The following ASPH variants were observed in gnomAD, a reference collection of about 807,000 sequenced individuals.
ASPH encodes the protein aspartate beta-hydroxylase.
ASPH carries 100 observed loss-of-function variants against 118.4 expected under a neutral mutation model. The ratio of observed to expected loss-of-function variants is 0.84; its 90% CI spans 0.72 to 1.00. The LOEUF is 1.00. Ranked by LOEUF, ASPH falls within the 50% of genes least tolerant of loss-of-function variation. The pLI, the probability that ASPH is intolerant of heterozygous loss-of-function variation, is 0.00. For missense variants in ASPH, 920 were observed against 919.5 expected, an observed-to-expected ratio of 1.00 and a Z score of -0.01; for synonymous variants, 315 against 325.6, an observed-to-expected ratio of 0.97 and a Z score of 0.35.
intron 12 of ASPH, 71 bp from the exon 13 acceptor site, chr8:61,633,798 T>C: frequency 9.5e-7 from 1 of 1,050,276 alleles, no homozygotes; most frequent in Admixed American, 2.5e-5. Context: ...GTTGCCAGAT[T>C]TAAGTAATGA....
chr8:61,600,595 G>A (rs1435073920), intron 14 of ASPH, among the ~76,000 whole-genome samples: 1 of 151,044 alleles, frequency 6.6e-6, no homozygotes, highest in Non-Finnish European at 1.5e-5. Context: ...CAAACAAGCT[G>A]AAAAGAAATC....
chr8:61,607,752 C>T (rs990453444), intron 14 of ASPH, among the ~76,000 whole-genome samples: 6 of 152,074 alleles, frequency 3.9e-5, no homozygotes, highest in East Asian at 1.9e-4. Flanking sequence ...AGTGAACAAA[C>T]GAAGTGGAAT....
chr8:61,624,587 C>T (rs1355818493), intron 13 of ASPH: 2 of 983,852 alleles, frequency 2.0e-6, no homozygotes, highest in African/African-American at 3.5e-5. Flanking sequence ...AAGACATTTA[C>T]ATTATTTTTA....
At chr8:61,590,685 C>G (rs536824307) in intron 14 of ASPH, among the ~76,000 whole-genome samples, 1 of 152,110 alleles carries the variant, frequency 6.6e-6, no homozygotes, top group African/African-American at 2.4e-5. Flanking sequence ...CTTGAACCAG[C>G]TTTTGCCTTT....
In ASPH at chr8:61,502,162, T is replaced by C. The variant is rs1805051321; in HGVS notation, c.*1197A>G. Reference sequence around the variant, plus strand: ...GGGTAATGTTAAAACTAAATACAGATGATAATAATTGCTATTTCACAGTGA... The same window carrying C: ...GGGTAATGTTAAAACTAAATACAGACGATAATAATTGCTATTTCACAGTGA... On this transcript the variant is annotated 3_prime_UTR_variant, in exon 25 of 25. Coordinates refer to ENST00000379454, the MANE Select transcript of ASPH (RefSeq NM_004318.4). 6.6e-6 allele frequency: 1 copy of C among 152,224 alleles called. No individual in the cohort carries two copies. Among genetic ancestry groups the C allele is most frequent in the South Asian group, 2.1e-4 (1 of 4,832 alleles). 9.4% of individuals were successfully genotyped at this position (152,224 alleles called of 1,614,324 possible).
chr8:61,664,699 T>A (rs1014503113), intron 3 of ASPH: 17 of 984,848 alleles, frequency 1.7e-5, no homozygotes, highest in Non-Finnish European at 1.9e-5. Context: ...GGAGAACCCA[T>A]GAAAAGCCTG....
At position 61,665,575 on chromosome 8, in the gene ASPH, C is replaced by A. The variant is rs368831592; in HGVS notation, c.323-11915G>T. On this transcript the variant is annotated intron_variant, in intron 3 of 24. Coordinates refer to ENST00000379454, the MANE Select transcript of ASPH (RefSeq NM_004318.4). ...TCCTTGACTCAGGTTTCTCTTTCTC[C>A]TTCTTGAGCTCTTCTTTAGTGAGTT... 1.2e-5 allele frequency: 19 copies of A among 1,590,396 alleles called. No homozygotes were observed. The African/African-American group carries it at 2.5e-4, about 21-fold the overall frequency.
intron 21 of ASPH, among the ~76,000 whole-genome samples, chr8:61,543,500 T>C (rs1416770579): frequency 6.6e-6 from 1 of 152,184 alleles, no homozygotes; most frequent in Non-Finnish European, 1.5e-5. Context: ...AATTCTCTAT[T>C]TGGGGAGACG....
At chr8:61,607,825 A>T (rs1039017371) in intron 14 of ASPH, among the ~76,000 whole-genome samples, 2 of 152,182 alleles carry the variant, frequency 1.3e-5, no homozygotes, top group Non-Finnish European at 2.9e-5. Context: ...ATACAGCAAT[A>T]TTTGTTCAGT....
At chr8:61,627,871 T>G (rs2150663355) in intron 13 of ASPH, among the ~76,000 whole-genome samples, 1 of 152,220 alleles carries the variant, frequency 6.6e-6, no homozygotes, top group East Asian at 1.9e-4. Context: ...CTTCTCTATC[T>G]CCATTAACAT....
At chr8:61,599,029 C>A (rs958889855) in intron 14 of ASPH, among the ~76,000 whole-genome samples, 1 of 152,082 alleles carries the variant, frequency 6.6e-6, no homozygotes, top group Non-Finnish European at 1.5e-5. Flanking sequence ...TAAACACCTA[C>A]AACAAAAATG....
At chr8:61,625,034 G>C (rs1852241930) in intron 13 of ASPH, 1 of 985,598 alleles carries the variant, frequency 1.0e-6, no homozygotes, top group Non-Finnish European at 1.2e-6. Flanking sequence ...CCTAAAAGCA[G>C]GGGGAAAAAG....
At chr8:61,594,547 C>A (rs762922487) in intron 14 of ASPH, among the ~76,000 whole-genome samples, 1 of 152,186 alleles carries the variant, frequency 6.6e-6, no homozygotes, top group African/African-American at 2.4e-5. Context: ...CTTTTATCCA[C>A]GGTTTTGCTT....
At chr8:61,508,105 C>T (rs987080115) in intron 24 of ASPH, among the ~76,000 whole-genome samples, 4 of 152,172 alleles carry the variant, frequency 2.6e-5, no homozygotes, top group Non-Finnish European at 5.9e-5. Flanking sequence ...GCCTCCGCCT[C>T]CCAGGCTCAG....
Position 61,578,307 on chromosome 8 carries a change from G to A in ASPH, c.1063-1449C>T, listed in dbSNP as rs935861902. ...CAGCCGCTCCTACACGAGTGGGCCC[G>A]GTGCCCACATCAGCTCCTCGAGCTT... On this transcript the variant is annotated intron_variant, in intron 15 of 24. Coordinates refer to ENST00000379454, the MANE Select transcript of ASPH (RefSeq NM_004318.4). 1.1e-4 allele frequency: 168 copies of A among 1,599,402 alleles called. No individual in the cohort carries two copies. In the Admixed American group the frequency reaches 1.2e-3, roughly 12 times the overall value.
intron 21 of ASPH, among the ~76,000 whole-genome samples, chr8:61,535,631 T>C (rs751741109): frequency 6.6e-6 from 1 of 152,248 alleles, no homozygotes; most frequent in African/African-American, 2.4e-5. Flanking sequence ...AATGGTGCAT[T>C]AGTATACTGT....
At chr8:61,697,405 G>A (rs1467492449) in intron 1 of ASPH, among the ~76,000 whole-genome samples, 1 of 152,176 alleles carries the variant, frequency 6.6e-6, no homozygotes, top group East Asian at 1.9e-4. Context: ...AATCAATTCT[G>A]CAGTAGACAC....
intron 1 of ASPH, chr8:61,684,624 C>T (rs1829676833): frequency 6.4e-6 from 1 of 155,886 alleles, no homozygotes; most frequent in African/African-American, 2.4e-5. Context: ...TCCCCCTAAA[C>T]CATTCCATAT....
intron 21 of ASPH, among the ~76,000 whole-genome samples, chr8:61,536,679 C>G (rs1819742670): frequency 6.6e-6 from 1 of 152,068 alleles, no homozygotes; most frequent in Non-Finnish European, 1.5e-5. Flanking sequence ...TTAATCAAAT[C>G]CTGGCTATTT....
Sources: allele counts gnomAD v4.1 joint callset (sites outside exome capture counted in the v4.1 genomes callset), GRCh38; gene constraint gnomAD v4.1.1; transcripts MANE v1.5; gene names NCBI Gene and HGNC (gene_info 2026-07-23, HGNC 2026-07-21).